The following CDK18 variants were observed in gnomAD, a reference collection of about 807,000 sequenced individuals.
The protein encoded by CDK18 is cyclin-dependent kinase 18.
Under a neutral mutation model 62.0 loss-of-function variants are expected in CDK18, and 52 were observed. The ratio of observed to expected loss-of-function variants is 0.84; its 90% confidence interval spans 0.67 to 1.06. The LOEUF (loss-of-function observed/expected upper bound fraction) is 1.06. Among genes scored for constraint, CDK18 ranks in the 50% least tolerant of loss-of-function variants. CDK18 has a pLI of 0.00. For synonymous variants in CDK18, 237 were observed against 247.0 expected (o/e 0.96, Z 0.38); for missense variants, 604 against 619.9 (o/e 0.97, Z 0.27).
chr1:205,530,160 C>T, intron 13 of CDK18, 99 bp from the exon 14 acceptor site: 3 of 1,566,154 alleles, frequency 1.9e-6, no homozygotes, highest in African/African-American at 2.7e-5. Context: ...AGCCTCAAGC[C>T]TCACCCACCT....
At position 205,528,864 on chromosome 1, in the gene CDK18, G is replaced by A. The variant is rs1668577118; in HGVS notation, c.975-135G>A. 1 of 613,376 alleles carries A rather than the reference G, an allele frequency of 1.6e-6. No homozygotes were observed. The highest frequency in any genetic ancestry group is 2.8e-5 in the Admixed American group (1 of 35,740). The allele number at this position is 613,376 out of a possible 1,614,324, so 38.0% of individuals were successfully genotyped here. A position where few individuals can be genotyped will look rare whatever the true frequency, so the allele number is the denominator to read the frequency against. On this transcript the variant is annotated intron_variant, in intron 10 of 15. Coordinates refer to ENST00000429964, the MANE Select transcript of CDK18 (RefSeq NM_212502.3). This position sits in a 1 kb window ranked among gnomAD's most constrained non-coding sequence, Gnocchi z 4.2. The stretch of plus-strand genomic sequence containing the variant: ...CAGTTCTAGGAGCCTCCACTGCCCT[G>A]GGCCACCCCTCCGCCGCCAGAGCCA...
chr1:205,530,522 G>A, intron 14 of CDK18, 106 bp from the exon 15 acceptor site: 1 of 1,235,338 alleles, frequency 8.1e-7, no homozygotes, highest in South Asian at 1.3e-5. Flanking sequence ...GGCAAACAGT[G>A]GAAATGAGAC....
chr1:205,526,038 T>G (rs764338635), intron 5 of CDK18, 27 bp from the exon 6 acceptor site: 4 of 1,563,092 alleles, frequency 2.6e-6, no homozygotes, highest in Non-Finnish European at 3.5e-6. Context: ...TGAATGCGCC[T>G]GGGGCCGCTG....
intron 1 of CDK18, among the ~76,000 whole-genome samples, chr1:205,520,736 AT>A (rs1668080401): frequency 6.6e-6 from 1 of 151,726 alleles, no homozygotes; most frequent in Admixed American, 6.6e-5. Context: ...AAAGAAAATA[AT>A]TGATCTTTAC....
At chr1:205,513,787 C>A (rs1032266536) in intron 1 of CDK18, among the ~76,000 whole-genome samples, 1 of 152,240 alleles carries the variant, frequency 6.6e-6, no homozygotes, top group Non-Finnish European at 1.5e-5. Context: ...GCAGGAGGAA[C>A]TTCTCATTCG....
At chr1:205,523,412 G>T in intron 2 of CDK18, 71 bp from the exon 3 acceptor site, 1 of 1,600,276 alleles carries the variant, frequency 6.2e-7, no homozygotes. Context: ...ACAGCGCTGG[G>T]GGAGGGGGGC....
chr1:205,529,326 AC>A lies in CDK18; in HGVS notation c.1080del (p.Thr361GlnfsTer8). ...CCCACCCTCTCTCGTCTCCCCAGGG[AC>A]CCCCACAGAAGAGACGTGGCCCGGC... ...ELHLIFRLLG[T>X]PTEETWPGVT... On this transcript the variant is annotated frameshift_variant, in exon 12 of 16. Coordinates refer to ENST00000429964, the MANE Select transcript of CDK18 (RefSeq NM_212502.3). LOFTEE classifies it high-confidence loss of function. 1 of 1,612,262 alleles carries A rather than the reference AC, an allele frequency of 6.2e-7. No homozygotes were observed. Among genetic ancestry groups the A allele is most frequent in the South Asian group, 1.1e-5 (1 of 90,906 alleles).
chr1:205,528,665 G>C lies in CDK18; in HGVS notation c.975-334G>C. ...GGATTTATGTACTTCTCTTCCAGTG[G>C]GGCACACAGTGGAGAGAGTTTGAGA... On this transcript the variant is annotated intron_variant, in intron 10 of 15. Coordinates refer to ENST00000429964, the MANE Select transcript of CDK18 (RefSeq NM_212502.3). This position sits in a 1 kb window ranked among gnomAD's most constrained non-coding sequence, Gnocchi z 4.2. The C allele has an allele frequency of 3.1e-6, 1 of 319,954 alleles. No homozygotes were observed. The highest frequency in any genetic ancestry group is 5.7e-6 in the Non-Finnish European group (1 of 174,832). 19.8% of individuals were successfully genotyped at this position (319,954 alleles called of 1,614,324 possible).
chr1:205,519,196 CT>C (rs1431164326), intron 1 of CDK18, among the ~76,000 whole-genome samples: 1 of 152,146 alleles, frequency 6.6e-6, no homozygotes, highest in African/African-American at 2.4e-5. Context: ...GGTGACAGGC[CT>C]TTTTCCTGTC....
intron 13 of CDK18, chr1:205,529,827 T>G: frequency 7.2e-7 from 1 of 1,379,734 alleles, no homozygotes. Context: ...TTTCCTCAGC[T>G]GCAAAGTGGG....
Position 205,526,086 on chromosome 1 carries a change from A to C in CDK18, c.478A>C (p.Lys160Gln), listed in dbSNP as rs1226608921. The C allele has an allele frequency of 3.7e-6, 6 of 1,613,674 alleles. No individual in the cohort carries two copies. The highest frequency in any genetic ancestry group is 5.1e-6 in the Non-Finnish European group (6 of 1,179,800). ...CCAGGGCACCTATGCCACAGTCTTC[A>C]AAGGGCGCAGCAAACTGACGGAGAA... ...LGEGTYATVFKGRSKLTENLV... is the reference protein window; with the variant it reads ...LGEGTYATVFQGRSKLTENLV... The change falls in exon 6 of 16, where the codon AAA (lysine) becomes CAA (glutamine). Residue 160 changes from lysine to glutamine, a missense_variant. Transcript: ENST00000429964.
Position 205,507,558 on chromosome 1 carries a change from C to T in CDK18, c.-22+2762C>T, listed in dbSNP as rs189711617. 6.5e-3 allele frequency among the ~76,000 whole-genome samples: 950 copies of T among 145,958 alleles called. 16 individuals are homozygous for T. Among genetic ancestry groups the T allele is most frequent in the African/African-American group, 0.024 (915 of 38,800 alleles). The stretch of plus-strand genomic sequence containing the variant: ...CTGAGGCAGGAGAATGGCGTGAACC[C>T]GGGAGGCGGAGGTTGTAGTGAGCCG... On this transcript the variant is annotated intron_variant, in intron 1 of 15. Coordinates refer to ENST00000429964, the MANE Select transcript of CDK18 (RefSeq NM_212502.3).
In CDK18 at chr1:205,528,715, A is replaced by G. The variant is rs1575077829; in HGVS notation, c.975-284A>G. 1 of 390,028 alleles carries G rather than the reference A, an allele frequency of 2.6e-6. No homozygotes were observed. Among genetic ancestry groups the G allele is most frequent in the East Asian group, 3.8e-5 (1 of 26,324 alleles). The allele number at this position is 390,028 out of a possible 1,614,324, so 24.2% of individuals were successfully genotyped here. On this transcript the variant is annotated intron_variant, in intron 10 of 15. Transcript: ENST00000429964. This position sits in a 1 kb window ranked among gnomAD's most constrained non-coding sequence, Gnocchi z 4.2. Reference sequence around the variant, plus strand: ...ACAACACTGCTGAGAGAATTGCCACATGGGCGCTGGCTGCACAGACCCAAA... The same window carrying G: ...ACAACACTGCTGAGAGAATTGCCACGTGGGCGCTGGCTGCACAGACCCAAA...
intron 1 of CDK18, among the ~76,000 whole-genome samples, chr1:205,520,401 A>G (rs1016450065): frequency 5.3e-5 from 8 of 152,324 alleles, no homozygotes; most frequent in Non-Finnish European, 7.4e-5. Context: ...ATGTTCAGCT[A>G]TCTTTGAAAA....
intron 1 of CDK18, among the ~76,000 whole-genome samples, chr1:205,509,421 G>A (rs1667463513): frequency 6.6e-6 from 1 of 152,172 alleles, no homozygotes; most frequent in African/African-American, 2.4e-5. Context: ...TTGAGTGTAT[G>A]TCTCCTGTCC....
rs891513286 is a variant in CDK18, at chr1:205,516,218, G to T, written c.-21-6929G>T. ...GCAGGCACAGTTCTCCCTGGGAGGA[G>T]GGAGTGTCTCTGAGGTCCTAGCTCA... On this transcript the variant is annotated intron_variant, in intron 1 of 15. Transcript: ENST00000429964. The surrounding 1 kb of genome is among the most constrained non-coding windows in gnomAD (Gnocchi z 4.8). Among the ~76,000 whole-genome samples, 1 of 152,188 alleles carries T rather than the reference G, an allele frequency of 6.6e-6. No homozygotes were observed. Among genetic ancestry groups the T allele is most frequent in the Non-Finnish European group, 1.5e-5 (1 of 68,046 alleles).
At position 205,524,241 on chromosome 1, in the gene CDK18, A is replaced by G. The variant is rs371160439; in HGVS notation, c.283A>G (p.Lys95Glu). 2 of 1,614,078 alleles carry G rather than the reference A, an allele frequency of 1.2e-6. No homozygotes were observed. The highest frequency in any genetic ancestry group is 1.7e-6 in the Non-Finnish European group (2 of 1,180,026). Residue 95 changes from lysine to glutamate, a missense_variant, in exon 4 of 16, where the codon AAG (lysine) becomes GAG (glutamate). Lys to Glu is a moderately conservative substitution (Grantham distance 56). Coordinates refer to ENST00000429964, the MANE Select transcript of CDK18 (RefSeq NM_212502.3). ...QRRFSMEDVS[K>E]RLSLPMDIRL... is the part of the protein sequence containing the mutation. ...ATCCCTGTCACCACAGGACGTCAGC[A>G]AGAGGCTCTCTCTGCCCATGGATAT...
At chr1:205,505,098 C>G (rs1365795066) in intron 1 of CDK18, among the ~76,000 whole-genome samples, 5 of 152,112 alleles carry the variant, frequency 3.3e-5, no homozygotes, top group Admixed American at 2.0e-4. Flanking sequence ...CCCCGCGCCC[C>G]CTTAGGGAGT....
intron 1 of CDK18, among the ~76,000 whole-genome samples, chr1:205,512,810 G>C (rs564151328): frequency 6.6e-6 from 1 of 152,330 alleles, no homozygotes; most frequent in South Asian, 2.1e-4. Context: ...GTATAAATAG[G>C]AATATGGTTT....
Sources: allele counts gnomAD v4.1 joint callset (sites outside exome capture counted in the v4.1 genomes callset), GRCh38; gene constraint gnomAD v4.1.1; non-coding constraint Gnocchi (gnomAD v3.1); transcripts MANE v1.5; gene names NCBI Gene and HGNC (gene_info 2026-07-23, HGNC 2026-07-21).